RBM47: variants seen among roughly 807,000 people sequenced by gnomAD.
The protein encoded by RBM47 is RNA-binding protein 47.
A neutral mutation model predicts 47.1 loss-of-function variants in RBM47; 21 were observed. The observed-to-expected ratio is 0.45, with a 90% CI of 0.32 to 0.64. The LOEUF (loss-of-function observed/expected upper bound fraction) is 0.64, where lower values mean the gene tolerates loss of function less well. Among genes scored for constraint, RBM47 ranks in the 30% least tolerant of loss-of-function variants. RBM47 has a pLI of 0.05. For missense variants in RBM47, 708 were observed against 870.9 expected, an observed-to-expected ratio of 0.81 and a Z score of 2.35; for synonymous variants, 375 against 361.7, an observed-to-expected ratio of 1.04 and a Z score of -0.42.
At chr4:40,468,019 C>T (rs73231764) in intron 2 of RBM47, among the ~76,000 whole-genome samples, 26,070 of 152,182 alleles carry the variant, frequency 0.17, 2,474 homozygotes, top group East Asian at 0.33. Context: ...GGTGTGGTGG[C>T]TCATGCCTGT....
intron 2 of RBM47, among the ~76,000 whole-genome samples, chr4:40,531,893 G>C (rs1226584642): frequency 6.6e-6 from 1 of 152,118 alleles, no homozygotes; most frequent in Non-Finnish European, 1.5e-5. Flanking sequence ...GTGAGGCAGG[G>C]GGGTGAGGAC....
intron 1 of RBM47, among the ~76,000 whole-genome samples, chr4:40,559,197 G>A (rs1730379834): frequency 6.6e-6 from 1 of 152,126 alleles, no homozygotes; most frequent in Non-Finnish European, 1.5e-5. Flanking sequence ...CAGAATATAA[G>A]CTAGTTTGGA....
intron 1 of RBM47, among the ~76,000 whole-genome samples, chr4:40,622,066 A>G (rs1737318609): frequency 6.6e-6 from 1 of 152,232 alleles, no homozygotes; most frequent in Admixed American, 6.5e-5. Context: ...TGTGTGTCTT[A>G]TTCATTTATT....
At chr4:40,569,554 C>G (rs1019886445) in intron 1 of RBM47, among the ~76,000 whole-genome samples, 1 of 147,522 alleles carries the variant, frequency 6.8e-6, no homozygotes, top group Non-Finnish European at 1.5e-5. Context: ...GGACTACAGG[C>G]GCCCACCACC....
intron 2 of RBM47, chr4:40,516,099 C>CA (rs1490078693): frequency 6.6e-6 from 1 of 152,104 alleles, no homozygotes; most frequent in Non-Finnish European, 1.5e-5. Flanking sequence ...CATTTCTCGT[C>CA]TTGCCCTCTA....
chr4:40,454,054 G>A (rs1715860758), intron 3 of RBM47, among the ~76,000 whole-genome samples: 1 of 152,174 alleles, frequency 6.6e-6, no homozygotes, highest in Non-Finnish European at 1.5e-5. Flanking sequence ...CTCCCTGGCT[G>A]TTTTAATAAA....
chr4:40,595,899 C>T (rs1456568123), intron 1 of RBM47, among the ~76,000 whole-genome samples: 3 of 150,568 alleles, frequency 2.0e-5, no homozygotes, highest in Admixed American at 1.3e-4. Flanking sequence ...AGTGAAACTT[C>T]GTCCCCCCTG....
intron 3 of RBM47, among the ~76,000 whole-genome samples, chr4:40,462,409 C>T (rs539969637): frequency 6.7e-6 from 1 of 149,546 alleles, no homozygotes; most frequent in Admixed American, 6.7e-5. Flanking sequence ...ACAGAGTGTC[C>T]TCTCTCCTTC....
intron 1 of RBM47, among the ~76,000 whole-genome samples, chr4:40,554,248 G>A (rs1039223570): frequency 2.0e-5 from 3 of 151,984 alleles, no homozygotes; most frequent in South Asian, 2.1e-4. Flanking sequence ...CTTGAGTCAT[G>A]CGTCATTTAC....
chr4:40,550,277 T>C (rs1003195694), intron 1 of RBM47, among the ~76,000 whole-genome samples: 1 of 152,206 alleles, frequency 6.6e-6, no homozygotes, highest in Non-Finnish European at 1.5e-5. Context: ...AAAGGGGATG[T>C]GGGGCCTTCG....
At chr4:40,473,307 G>A (rs1719177817) in intron 2 of RBM47, among the ~76,000 whole-genome samples, 1 of 152,168 alleles carries the variant, frequency 6.6e-6, no homozygotes, top group African/African-American at 2.4e-5. Context: ...AGGTCCCTTA[G>A]CTGGAAGTGA....
chr4:40,511,613 G>T (rs1242769177), intron 2 of RBM47, among the ~76,000 whole-genome samples: 1 of 152,178 alleles, frequency 6.6e-6, no homozygotes, highest in African/African-American at 2.4e-5. Context: ...CTAACAGGAG[G>T]ATCCAACGTA....
intron 1 of RBM47, among the ~76,000 whole-genome samples, chr4:40,568,995 A>AG (rs1731393119): frequency 7.9e-6 from 1 of 126,176 alleles, no homozygotes; most frequent in South Asian, 2.4e-4. Context: ...AGATAGATAG[A>AG]TAGATAGATA....
chr4:40,529,515 C>CAA (rs56381747), intron 2 of RBM47, among the ~76,000 whole-genome samples: 207 of 18,340 alleles, frequency 0.011, 63 homozygotes, highest in African/African-American at 0.026. Context: ...GACTCTGTCA[C>CAA]AAAAAAAAAA....
chr4:40,608,444 G>A (rs1479394892), intron 1 of RBM47, among the ~76,000 whole-genome samples: 4 of 152,200 alleles, frequency 2.6e-5, no homozygotes, highest in Non-Finnish European at 5.9e-5. Flanking sequence ...AGGCAGACTT[G>A]GAGATTAATT....
At chr4:40,507,076 C>A (rs749206085) in intron 2 of RBM47, among the ~76,000 whole-genome samples, 8 of 152,162 alleles carry the variant, frequency 5.3e-5, no homozygotes, top group Non-Finnish European at 1.2e-4. Flanking sequence ...CCTGACTCAG[C>A]CTCCCGAGTA....
At chr4:40,536,152 T>C (rs976900323) in intron 2 of RBM47, among the ~76,000 whole-genome samples, 1 of 152,254 alleles carries the variant, frequency 6.6e-6, no homozygotes, top group African/African-American at 2.4e-5. Flanking sequence ...GTTCTACTGC[T>C]ACTTCTTGGC....
intron 1 of RBM47, among the ~76,000 whole-genome samples, chr4:40,571,454 C>T (rs1248621981): frequency 1.3e-5 from 2 of 151,788 alleles, no homozygotes; most frequent in Admixed American, 6.6e-5. Context: ...CAGGATAAGT[C>T]CTGAGTAAAT....
At chr4:40,520,052 C>T (rs140175030) in intron 2 of RBM47, among the ~76,000 whole-genome samples, 42 of 152,242 alleles carry the variant, frequency 2.8e-4, no homozygotes, top group Non-Finnish European at 5.3e-4. Context: ...TATTGAAGCC[C>T]TCCTTTGACC....
Sources: allele counts gnomAD v4.1 joint callset (sites outside exome capture counted in the v4.1 genomes callset), GRCh38; gene constraint gnomAD v4.1.1; transcripts MANE v1.5; gene names NCBI Gene and HGNC (gene_info 2026-07-23, HGNC 2026-07-21).